Variants in SRGAP3 observed in about 807,000 individuals in gnomAD.
SRGAP3 encodes SLIT-ROBO Rho GTPase activating protein 3.
SRGAP3 carries 39 observed loss-of-function variants against 121.1 expected under a neutral mutation model. The ratio of observed to expected loss-of-function variants is 0.32; its 90% CI spans 0.25 to 0.42. The LOEUF (loss-of-function observed/expected upper bound fraction) is 0.42, where lower values mean the gene tolerates loss of function less well. Ranked by LOEUF, SRGAP3 falls within the 10% of genes least tolerant of loss-of-function variation. SRGAP3 has a pLI of 1.00. For synonymous variants in SRGAP3, 601 were observed against 570.0 expected, an observed-to-expected ratio of 1.05 and a Z score of -0.77; for missense variants, 1,213 against 1,470.6, an observed-to-expected ratio of 0.82 and a Z score of 2.86.
At chr3:9,025,731 T>C (rs1408621181) in intron 13 of SRGAP3, among the ~76,000 whole-genome samples, 5 of 152,150 alleles carry the variant, frequency 3.3e-5, no homozygotes, top group Non-Finnish European at 5.9e-5. Context: ...TACATGTTTC[T>C]ACAAGACCTT....
intron 3 of SRGAP3, among the ~76,000 whole-genome samples, chr3:9,260,095 C>T (rs866742000): frequency 6.6e-6 from 1 of 152,062 alleles, no homozygotes; most frequent in Non-Finnish European, 1.5e-5. Context: ...GGAACTGTGC[C>T]GTGAGGGACA....
chr3:9,112,206 G>C (rs1948649335), intron 2 of SRGAP3, among the ~76,000 whole-genome samples: 1 of 152,222 alleles, frequency 6.6e-6, no homozygotes, highest in South Asian at 2.1e-4. Flanking sequence ...CCTGGGATCA[G>C]GGTCCCTCTG....
intron 1 of SRGAP3, among the ~76,000 whole-genome samples, chr3:9,211,664 T>C (rs895375487): frequency 2.9e-5 from 4 of 137,040 alleles, no homozygotes; most frequent in African/African-American, 1.1e-4. Context: ...ATCTTTCTTT[T>C]CTTTTTTTTT....
At chr3:9,019,182 G>GT (rs1943788607) in intron 14 of SRGAP3, among the ~76,000 whole-genome samples, 1 of 152,204 alleles carries the variant, frequency 6.6e-6, no homozygotes, top group African/African-American at 2.4e-5. Flanking sequence ...ATAGTCTTGT[G>GT]TTTTTGTATG....
Position 9,175,331 on chromosome 3 carries a change from C to T in SRGAP3, c.68-50414G>A, listed in dbSNP as rs111826285. Among the ~76,000 whole-genome samples the T allele has an allele frequency of 2.4e-3, 367 of 152,312 alleles. 4 individuals carry two copies. The highest frequency in any genetic ancestry group is 8.2e-3 in the African/African-American group (340 of 41,564). ...GCACTGCTCTGTCTCCCCTACTAGA[C>T]GACGGGTGTCCTACGAAAAGAGAGC... On this transcript the variant is annotated intron_variant, in intron 1 of 21. Coordinates refer to ENST00000383836, the MANE Select transcript of SRGAP3 (RefSeq NM_014850.4).
intron 3 of SRGAP3, among the ~76,000 whole-genome samples, chr3:9,306,332 G>A (rs1204334427): frequency 6.6e-6 from 1 of 152,180 alleles, no homozygotes; most frequent in African/African-American, 2.4e-5. Flanking sequence ...CAGATGGGTA[G>A]ATTGCAAAAA....
At chr3:9,264,085 T>C (rs1559249900) in intron 3 of SRGAP3, among the ~76,000 whole-genome samples, 1 of 152,324 alleles carries the variant, frequency 6.6e-6, no homozygotes, top group East Asian at 1.9e-4. Context: ...TCAATAAACA[T>C]AATCCATCAC....
At chr3:9,354,942 T>C (rs1048955588) in intron 1 of SRGAP3, among the ~76,000 whole-genome samples, 1 of 152,220 alleles carries the variant, frequency 6.6e-6, no homozygotes, top group African/African-American at 2.4e-5. Context: ...GCAAGATCCA[T>C]TTTAGTCAAT....
chr3:9,146,195 CACGTG>C (rs1046510835), intron 1 of SRGAP3, among the ~76,000 whole-genome samples: 2 of 152,170 alleles, frequency 1.3e-5, no homozygotes, highest in African/African-American at 4.8e-5. Flanking sequence ...GCAGGTATTC[CACGTG>C]TTGACTGACA....
intron 1 of SRGAP3, among the ~76,000 whole-genome samples, chr3:9,157,207 G>A (rs77790888): frequency 1.6e-3 from 247 of 152,244 alleles, no homozygotes; most frequent in African/African-American, 5.7e-3. Context: ...TTATAATCAC[G>A]GCAGAAGGGC....
At chr3:9,246,863 G>C (rs1439406320) in intron 1 of SRGAP3, among the ~76,000 whole-genome samples, 1 of 152,156 alleles carries the variant, frequency 6.6e-6, no homozygotes, top group South Asian at 2.1e-4. Context: ...AAGATCATTT[G>C]GACACATTTC....
At position 9,332,961 on chromosome 3, in the gene SRGAP3, T is replaced by C. The variant is rs537788389; in HGVS notation, n.215-2365A>G. Among the ~76,000 whole-genome samples the C allele has an allele frequency of 4.6e-5, 7 of 152,326 alleles. No individual in the cohort carries two copies. In the South Asian group the frequency reaches 8.3e-4, roughly 18 times the overall value. ...TCAAAGCATGATATGGAACCCACTA[T>C]ACCAAGAGATGTTTCTTGCATATAG... On this transcript the variant is annotated intron_variant and non_coding_transcript_variant, in intron 1 of 3. Transcript: ENST00000490889.
At chr3:9,164,342 G>C (rs1950707374) in intron 1 of SRGAP3, among the ~76,000 whole-genome samples, 1 of 145,980 alleles carries the variant, frequency 6.9e-6, no homozygotes, top group South Asian at 2.2e-4. Context: ...CCAGGCAGGA[G>C]TGCAATGGTG....
chr3:9,076,053 T>C (rs1946961596), intron 4 of SRGAP3, among the ~76,000 whole-genome samples: 1 of 152,200 alleles, frequency 6.6e-6, no homozygotes, highest in Non-Finnish European at 1.5e-5. Flanking sequence ...GCCAATGGGA[T>C]ATTAGCAAAT....
chr3:9,288,322 G>C lies in SRGAP3; in HGVS notation n.442+37688C>G, dbSNP rs1017753372. Reference sequence around the variant, plus strand: ...CTGGCTAATTTTCATATTTTTAGTAGAGACGGGTTTCACCATGTTAGCCAG... The same window carrying C: ...CTGGCTAATTTTCATATTTTTAGTACAGACGGGTTTCACCATGTTAGCCAG... On this transcript the variant is annotated intron_variant and non_coding_transcript_variant, in intron 3 of 3. Coordinates refer to the SRGAP3 transcript ENST00000490889. Among the ~76,000 whole-genome samples, 8 of 151,368 alleles carry C rather than the reference G, an allele frequency of 5.3e-5. No homozygotes were observed. The South Asian group carries it at 6.3e-4, about 12-fold the overall frequency.
intron 1 of SRGAP3, among the ~76,000 whole-genome samples, chr3:9,135,508 A>G (rs1214086105): frequency 6.6e-6 from 1 of 152,216 alleles, no homozygotes; most frequent in African/African-American, 2.4e-5. Flanking sequence ...GATGTGGCCC[A>G]GTGGATAGAC....
intron 5 of SRGAP3, among the ~76,000 whole-genome samples, chr3:9,063,788 C>T (rs376868331): frequency 1.2e-4 from 18 of 152,294 alleles, no homozygotes; most frequent in South Asian, 2.1e-4. Context: ...GTGTTGTAAA[C>T]GTGGCATTTT....
intron 1 of SRGAP3, among the ~76,000 whole-genome samples, chr3:9,345,901 T>C (rs986613376): frequency 6.6e-6 from 1 of 151,798 alleles, no homozygotes; most frequent in African/African-American, 2.4e-5. Flanking sequence ...CCAAGCACAG[T>C]ATGGCCCATT....
At chr3:9,263,377 C>G (rs1028095887) in intron 3 of SRGAP3, among the ~76,000 whole-genome samples, 1 of 151,618 alleles carries the variant, frequency 6.6e-6, no homozygotes, top group African/African-American at 2.4e-5. Context: ...CAGAGCAGAA[C>G]AGAAGGAGAC....
Sources: allele counts gnomAD v4.1 joint callset (sites outside exome capture counted in the v4.1 genomes callset), GRCh38; gene constraint gnomAD v4.1.1; transcripts MANE v1.5; gene names NCBI Gene and HGNC (gene_info 2026-07-23, HGNC 2026-07-21).